The following PLA2G4A variants were observed in gnomAD, a reference collection of about 807,000 sequenced individuals.
PLA2G4A encodes the protein cytosolic phospholipase A2.
PLA2G4A carries 40 observed loss-of-function variants against 81.9 expected under a neutral mutation model. That is an observed-to-expected ratio of 0.49 (90% confidence interval 0.38 to 0.64). The LOEUF (loss-of-function observed/expected upper bound fraction) is 0.64. PLA2G4A is among the 30% of genes least tolerant of loss of function. PLA2G4A has a pLI of 0.00. For missense variants in PLA2G4A, 715 were observed against 905.1 expected, an observed-to-expected ratio of 0.79 and a Z score of 2.69; for synonymous variants, 302 against 296.9, an observed-to-expected ratio of 1.02 and a Z score of -0.18.
intron 13 of PLA2G4A, among the ~76,000 whole-genome samples, chr1:186,953,408 T>A (rs1293406025): frequency 6.6e-6 from 1 of 152,226 alleles, no homozygotes; most frequent in African/African-American, 2.4e-5. Flanking sequence ...ATTTTTGGAT[T>A]GGGGTTATTT....
chr1:186,901,167 G>A (rs1434456189), intron 5 of PLA2G4A, among the ~76,000 whole-genome samples: 1 of 152,186 alleles, frequency 6.6e-6, no homozygotes, highest in Admixed American at 6.5e-5. Context: ...TGAGAAATTT[G>A]AGAGACCTTT....
intron 3 of PLA2G4A, 136 bp downstream of exon 3, chr1:186,870,652 T>C: frequency 2.3e-6 from 3 of 1,282,424 alleles, no homozygotes; most frequent in East Asian, 4.9e-5. Context: ...AATGATAACA[T>C]TTCAAACAGT....
chr1:186,980,188 C>T (rs10911973), intron 17 of PLA2G4A, among the ~76,000 whole-genome samples: 60,017 of 151,992 alleles, frequency 0.39, 14,152 homozygotes, highest in East Asian at 0.58. Flanking sequence ...ACCCGCCCGC[C>T]TCGGCCTTCC....
intron 8 of PLA2G4A, among the ~76,000 whole-genome samples, chr1:186,934,265 C>T (rs566070014): frequency 6.6e-6 from 1 of 151,760 alleles, no homozygotes; most frequent in East Asian, 1.9e-4. Context: ...TTCTTAAACT[C>T]ATCTAATAAA....
chr1:186,918,250 C>T (rs527361610), intron 7 of PLA2G4A, among the ~76,000 whole-genome samples: 7 of 152,242 alleles, frequency 4.6e-5, no homozygotes, highest in East Asian at 1.9e-4. Context: ...GGTGGAGGCT[C>T]GCTGGTGTCC....
chr1:186,896,774 C>A (rs527720740), intron 5 of PLA2G4A, among the ~76,000 whole-genome samples: 1 of 152,094 alleles, frequency 6.6e-6, no homozygotes, highest in Non-Finnish European at 1.5e-5. Context: ...TCCAAGCAGG[C>A]TTTTCTTCAT....
At chr1:186,956,553 C>G (rs1156255133) in intron 14 of PLA2G4A, among the ~76,000 whole-genome samples, 1 of 152,134 alleles carries the variant, frequency 6.6e-6, no homozygotes, top group East Asian at 1.9e-4. Context: ...CTCACCCAGT[C>G]ACCCAGGCTG....
chr1:186,838,649 G>T (rs964267466), intron 1 of PLA2G4A, among the ~76,000 whole-genome samples: 1 of 152,084 alleles, frequency 6.6e-6, no homozygotes, highest in Non-Finnish European at 1.5e-5. Flanking sequence ...TCATGTTCTA[G>T]TTGGTAGACT....
intron 17 of PLA2G4A, among the ~76,000 whole-genome samples, chr1:186,986,283 C>A (rs776664791): frequency 1.2e-4 from 18 of 152,138 alleles, no homozygotes; most frequent in Non-Finnish European, 2.6e-4. Context: ...TAGCAGCAAT[C>A]ATTGTCAGTT....
intron 12 of PLA2G4A, among the ~76,000 whole-genome samples, chr1:186,949,390 AAAAG>A (rs1170925862): frequency 5.2e-5 from 2 of 38,156 alleles, no homozygotes; most frequent in African/African-American, 1.5e-4. Context: ...AAAGAAAGAA[AAAAG>A]AAAAAGAAAG....
chr1:186,922,151 C>T (rs1043418997), intron 7 of PLA2G4A, among the ~76,000 whole-genome samples: 1 of 152,148 alleles, frequency 6.6e-6, no homozygotes, highest in Admixed American at 6.5e-5. Context: ...AAAGACCATG[C>T]TCACACCACA....
chr1:186,920,446 A>G (rs1655307520), intron 7 of PLA2G4A, among the ~76,000 whole-genome samples: 1 of 152,176 alleles, frequency 6.6e-6, no homozygotes, highest in African/African-American at 2.4e-5. Flanking sequence ...TTCAGCACCA[A>G]TATCGACCAA....
chr1:186,950,001 G>T (rs1392750084), intron 12 of PLA2G4A, among the ~76,000 whole-genome samples: 1 of 152,144 alleles, frequency 6.6e-6, no homozygotes, highest in Non-Finnish European at 1.5e-5. Flanking sequence ...TGCCACTGCA[G>T]GCCAGCCTGG....
At chr1:186,913,070 AAG>A (rs1284209261) in intron 7 of PLA2G4A, among the ~76,000 whole-genome samples, 2 of 109,638 alleles carry the variant, frequency 1.8e-5, no homozygotes, top group Non-Finnish European at 3.5e-5. Flanking sequence ...GGGGAGAAAA[AAG>A]AAAATATTCC....
intron 7 of PLA2G4A, among the ~76,000 whole-genome samples, chr1:186,920,928 C>T (rs534827737): frequency 4.1e-4 from 63 of 152,290 alleles, no homozygotes; most frequent in African/African-American, 1.2e-3. Flanking sequence ...TGATATCTTC[C>T]GCGCTTTGAC....
chr1:186,879,952 T>G (rs1980446), intron 3 of PLA2G4A, among the ~76,000 whole-genome samples: 75,496 of 151,544 alleles, frequency 0.5, 20,877 homozygotes, highest in Non-Finnish European at 0.63. Context: ...AACTCGTCAT[T>G]TACATTAGGT....
chr1:186,892,988 T>A (rs577486300), intron 3 of PLA2G4A, 23 bp from the exon 4 acceptor site: 1 of 1,580,744 alleles, frequency 6.3e-7, no homozygotes, highest in Non-Finnish European at 8.7e-7. Context: ...TACCTCCTTC[T>A]TGTTTGTGTT....
chr1:186,938,958 G>C (rs753720750), intron 8 of PLA2G4A, 50 bp from the exon 9 acceptor site: 4 of 958,514 alleles, frequency 4.2e-6, no homozygotes, highest in South Asian at 3.9e-5. Context: ...TTTGGAGACT[G>C]TTGTGTAATG....
At position 186,886,600 on chromosome 1, in the gene PLA2G4A, C is replaced by T. The variant is rs1004600414; in HGVS notation, c.116-6411C>T. Among the ~76,000 whole-genome samples, 5 of 152,166 alleles carry T rather than the reference C, an allele frequency of 3.3e-5. No individual in the cohort carries two copies. The East Asian group carries it at 5.8e-4, about 18-fold the overall frequency. ...TTTAAGTTTTGGTCTTACTTCTTCTCGTTTAGTCATTTCTACTTTGTTGAT... is the reference window on the plus strand; with the variant it reads ...TTTAAGTTTTGGTCTTACTTCTTCTTGTTTAGTCATTTCTACTTTGTTGAT... On this transcript the variant is annotated intron_variant, in intron 3 of 17. Transcript: ENST00000367466.
Sources: allele counts gnomAD v4.1 joint callset (sites outside exome capture counted in the v4.1 genomes callset), GRCh38; gene constraint gnomAD v4.1.1; transcripts MANE v1.5; gene names NCBI Gene and HGNC (gene_info 2026-07-23, HGNC 2026-07-21).